Variants in TMEM132B observed in about 807,000 individuals in gnomAD.
TMEM132B encodes transmembrane protein 132B.
TMEM132B carries 18 observed loss-of-function variants against 90.8 expected under a neutral mutation model. The observed-to-expected ratio is 0.20, with a 90% CI of 0.14 to 0.29. The LOEUF (loss-of-function observed/expected upper bound fraction) is 0.29. Among genes scored for constraint, TMEM132B ranks in the 10% least tolerant of loss-of-function variants. The pLI is 1.00. For missense variants in TMEM132B, 1,096 were observed against 1,326.8 expected (o/e 0.83, Z 2.70); for synonymous variants, 504 against 523.3 (o/e 0.96, Z 0.50).
At chr12:125,223,269 T>A (rs1177667739) in intron 1 of TMEM132B, among the ~76,000 whole-genome samples, 1 of 152,224 alleles carries the variant, frequency 6.6e-6, no homozygotes, top group Non-Finnish European at 1.5e-5. Context: ...CTTTTTATGA[T>A]CATGTTACAG....
chr12:125,499,533 C>T (rs1353225721), intron 3 of TMEM132B, among the ~76,000 whole-genome samples: 1 of 152,114 alleles, frequency 6.6e-6, no homozygotes, highest in African/African-American at 2.4e-5. Context: ...GATTCCTATC[C>T]CAGAAAAGCA....
At chr12:125,261,323 C>A (rs1211024556) in intron 1 of TMEM132B, among the ~76,000 whole-genome samples, 4 of 152,172 alleles carry the variant, frequency 2.6e-5, no homozygotes, top group African/African-American at 9.7e-5. Flanking sequence ...CCTCAGAGGT[C>A]ACTTTTCATG....
At chr12:125,512,437 T>C (rs1444371791) in intron 3 of TMEM132B, among the ~76,000 whole-genome samples, 1 of 152,232 alleles carries the variant, frequency 6.6e-6, no homozygotes, top group Admixed American at 6.5e-5. Flanking sequence ...AGCTCAGTTA[T>C]ATGAAGCTGC....
chr12:125,415,764 A>G lies in TMEM132B; in HGVS notation c.1106+87A>G. The G allele has an allele frequency of 6.7e-7, 1 of 1,501,720 alleles. No individual in the cohort carries two copies. Among genetic ancestry groups the G allele is most frequent in the Non-Finnish European group, 9.0e-7 (1 of 1,117,076 alleles). 93.0% of individuals were successfully genotyped at this position (1,501,720 alleles called of 1,614,324 possible). A position where few individuals can be genotyped will look rare whatever the true frequency, so the allele number is the denominator to read the frequency against. Reference sequence around the variant, plus strand: ...TGATAGCAAAATAATGTGCGTGTGGATAAAGCGATGCCTCTGCGTTTAATG... The same window carrying G: ...TGATAGCAAAATAATGTGCGTGTGGGTAAAGCGATGCCTCTGCGTTTAATG... On this transcript the variant is annotated intron_variant, in intron 3 of 8. Coordinates refer to ENST00000682704, the MANE Select transcript of TMEM132B (RefSeq NM_001366854.1). The surrounding 1 kb of genome is among the most constrained non-coding windows in gnomAD (Gnocchi z 5.3).
intron 3 of TMEM132B, among the ~76,000 whole-genome samples, chr12:125,455,244 G>A (rs1479218045): frequency 2.0e-5 from 3 of 152,062 alleles, no homozygotes; most frequent in Non-Finnish European, 4.4e-5. Flanking sequence ...GGAGAGGGAA[G>A]GAGAAGAATG....
intron 2 of TMEM132B, among the ~76,000 whole-genome samples, chr12:125,381,452 C>T (rs139287136): frequency 1.4e-3 from 215 of 152,288 alleles, no homozygotes; most frequent in South Asian, 0.012. Context: ...TCAGAATTGT[C>T]CCTCAGGAAA....
intron 2 of TMEM132B, among the ~76,000 whole-genome samples, chr12:125,383,787 G>A (rs1370463403): frequency 6.6e-6 from 1 of 152,176 alleles, no homozygotes; most frequent in Non-Finnish European, 1.5e-5. Flanking sequence ...AGCTAGATAG[G>A]CGAAGGCTCT....
At chr12:125,228,072 T>C (rs891446892) in intron 1 of TMEM132B, among the ~76,000 whole-genome samples, 1 of 152,208 alleles carries the variant, frequency 6.6e-6, no homozygotes, top group Non-Finnish European at 1.5e-5. Flanking sequence ...GTACTCTAAT[T>C]ATTGTCTCAG....
intron 1 of TMEM132B, among the ~76,000 whole-genome samples, chr12:125,243,034 C>T (rs7966392): frequency 0.78 from 90,272 of 115,358 alleles, 34,968 homozygotes; most frequent in East Asian, 0.91. Flanking sequence ...TATATATATA[C>T]ACACACACAC....
At chr12:125,297,261 C>G (rs1275130865) in intron 1 of TMEM132B, among the ~76,000 whole-genome samples, 2 of 152,220 alleles carry the variant, frequency 1.3e-5, no homozygotes, top group African/African-American at 4.8e-5. Context: ...TGTCCCGAGG[C>G]AGGCACACGG....
chr12:125,189,457 G>A (rs1414689290), intron 1 of TMEM132B, among the ~76,000 whole-genome samples: 3 of 152,142 alleles, frequency 2.0e-5, no homozygotes, highest in African/African-American at 7.2e-5. Context: ...TGGCTTTCAG[G>A]GCAGAGGCTC....
At chr12:125,370,289 A>G (rs1593108981) in intron 2 of TMEM132B, among the ~76,000 whole-genome samples, 1 of 152,158 alleles carries the variant, frequency 6.6e-6, no homozygotes, top group African/African-American at 2.4e-5. Context: ...TTTTATGATT[A>G]TGTTGTTCTT....
intron 3 of TMEM132B, among the ~76,000 whole-genome samples, chr12:125,440,128 T>G (rs1880826831): frequency 6.6e-6 from 1 of 152,150 alleles, no homozygotes; most frequent in Admixed American, 6.5e-5. Context: ...GGCCTGAAGT[T>G]TTCTTTTTTT....
chr12:125,424,940 C>T (rs1172356915), intron 3 of TMEM132B, among the ~76,000 whole-genome samples: 1 of 152,106 alleles, frequency 6.6e-6, no homozygotes. Flanking sequence ...ACTTAGGATT[C>T]TTGCTGAAGG....
chr12:125,598,494 C>T (rs939466007), intron 5 of TMEM132B, among the ~76,000 whole-genome samples: 1 of 152,114 alleles, frequency 6.6e-6, no homozygotes, highest in African/African-American at 2.4e-5. Flanking sequence ...TTGCCTAAAA[C>T]ATGAATTCTT....
intron 3 of TMEM132B, among the ~76,000 whole-genome samples, chr12:125,451,205 T>C (rs563205678): frequency 1.3e-5 from 2 of 152,314 alleles, no homozygotes; most frequent in Non-Finnish European, 2.9e-5. Context: ...ATATAAGTAT[T>C]GTATAAATGT....
intron 4 of TMEM132B, among the ~76,000 whole-genome samples, chr12:125,532,470 G>A (rs1227256779): frequency 6.6e-6 from 1 of 151,810 alleles, no homozygotes; most frequent in African/African-American, 2.4e-5. Context: ...GGATTTTATG[G>A]TCCTATTTTA....
In TMEM132B at chr12:125,459,850, T is replaced by G. The variant is rs1223374624; in HGVS notation, c.1106+44173T>G. On this transcript the variant is annotated intron_variant, in intron 3 of 8. Transcript: ENST00000682704. The surrounding 1 kb of genome is among the most constrained non-coding windows in gnomAD (Gnocchi z 4.1). ...CATGGGAGCAGTTTCCCCCATACTG[T>G]TTTCACGGTAGTGGATAAGTCTCAT... Among the ~76,000 whole-genome samples, 3 of 152,158 alleles carry G rather than the reference T, an allele frequency of 2.0e-5. No homozygotes were observed. The highest frequency in any genetic ancestry group is 7.2e-5 in the African/African-American group (3 of 41,436).
chr12:125,230,302 G>T (rs566182426), intron 1 of TMEM132B, among the ~76,000 whole-genome samples: 1 of 152,150 alleles, frequency 6.6e-6, no homozygotes, highest in Non-Finnish European at 1.5e-5. Context: ...GCGGGGAGGG[G>T]TGTGTTGGCT....
Sources: gnomAD v4.1 joint callset for allele counts (sites outside exome capture counted in the v4.1 genomes callset) on GRCh38, gnomAD v4.1.1 for gene constraint, Gnocchi (gnomAD v3.1) non-coding constraint, MANE v1.5 for transcripts, NCBI Gene and HGNC (gene_info 2026-07-23, HGNC 2026-07-21) for gene names.